Variants in CDH17 observed in about 807,000 individuals in gnomAD.
CDH17 encodes cadherin-17.
CDH17 carries 67 observed loss-of-function variants against 86.3 expected under a neutral mutation model. The observed-to-expected ratio is 0.78, with a 90% CI of 0.64 to 0.95. The LOEUF is 0.95. Ranked by LOEUF, CDH17 falls within the 40% of genes least tolerant of loss-of-function variation. The probability of loss-of-function intolerance (pLI) is 0.00; values close to 1 mark genes in which losing one functional copy is unlikely to be tolerated. For missense variants in CDH17, 993 were observed against 1,017.6 expected (o/e 0.98, Z 0.33); for synonymous variants, 367 against 366.4 (o/e 1.00, Z -0.02).
rs564870934 is a variant in CDH17, at chr8:94,174,917, T to C, written c.425-657A>G. On this transcript the variant is annotated intron_variant, in intron 5 of 17. Coordinates refer to ENST00000027335, the MANE Select transcript of CDH17 (RefSeq NM_004063.4). ...CATTAAAACATGTTGATTAGTGTTATTTTTAATGAATTAATAATTTTTTAA... is the reference window on the plus strand; with the variant it reads ...CATTAAAACATGTTGATTAGTGTTACTTTTAATGAATTAATAATTTTTTAA... 1.5e-4 allele frequency among the ~76,000 whole-genome samples: 23 copies of C among 152,326 alleles called. No individual in the cohort carries two copies. The South Asian group carries it at 4.4e-3, about 29-fold the overall frequency.
chr8:94,142,332 T>TA (rs1812654505), intron 15 of CDH17, among the ~76,000 whole-genome samples: 2 of 152,136 alleles, frequency 1.3e-5, no homozygotes, highest in South Asian at 4.1e-4. Context: ...TACCTAAAAA[T>TA]AAAAAACCCC....
chr8:94,197,869 G>A (rs973036027), intron 1 of CDH17, among the ~76,000 whole-genome samples: 2 of 151,258 alleles, frequency 1.3e-5, no homozygotes, highest in African/African-American at 4.9e-5. Context: ...AAAAGTTTGT[G>A]CTCCTATGAT....
At chr8:94,139,348 T>C (rs1444882919) in intron 15 of CDH17, among the ~76,000 whole-genome samples, 1 of 152,082 alleles carries the variant, frequency 6.6e-6, no homozygotes, top group Non-Finnish European at 1.5e-5. Context: ...GCCTAATACA[T>C]GTGTAATCGA....
intron 3 of CDH17, among the ~76,000 whole-genome samples, chr8:94,181,070 T>C (rs1415649022): frequency 6.6e-6 from 1 of 151,948 alleles, no homozygotes; most frequent in Non-Finnish European, 1.5e-5. Context: ...AAAACAGACT[T>C]TAAAACAAAA....
chr8:94,197,846 A>G (rs1284271750), intron 1 of CDH17, among the ~76,000 whole-genome samples: 3 of 150,662 alleles, frequency 2.0e-5, no homozygotes, highest in Admixed American at 6.7e-5. Flanking sequence ...AAAAAAAAAA[A>G]AAGAAAAAAA....
chr8:94,189,627 C>T (rs1813647664), intron 2 of CDH17, among the ~76,000 whole-genome samples: 1 of 152,230 alleles, frequency 6.6e-6, no homozygotes, highest in Non-Finnish European at 1.5e-5. Flanking sequence ...CATGGTCTTC[C>T]ACAATCCCAC....
At chr8:94,154,551 C>G (rs928424046) in intron 12 of CDH17, among the ~76,000 whole-genome samples, 2 of 152,050 alleles carry the variant, frequency 1.3e-5, no homozygotes, top group African/African-American at 4.8e-5. Flanking sequence ...CCAGATGGAA[C>G]CAGGAATGAA....
chr8:94,205,980 A>G (rs17727794), intron 1 of CDH17, among the ~76,000 whole-genome samples: 63,851 of 152,012 alleles, frequency 0.42, 14,595 homozygotes, highest in Middle Eastern at 0.54. Context: ...CATTCTCCTC[A>G]TCCGTCACTT....
chr8:94,185,427 A>C (rs2623170), intron 3 of CDH17, among the ~76,000 whole-genome samples: 116,829 of 152,064 alleles, frequency 0.77, 46,032 homozygotes, highest in African/African-American at 0.91. Flanking sequence ...AAAAAAGAAA[A>C]GTGGAGCAGC....
intron 3 of CDH17, among the ~76,000 whole-genome samples, chr8:94,183,404 T>C (rs1019200299): frequency 6.6e-6 from 1 of 152,086 alleles, no homozygotes; most frequent in African/African-American, 2.4e-5. Flanking sequence ...AATGGAATCA[T>C]AGTGGGAGGC....
chr8:94,192,552 C>T (rs920285025), intron 2 of CDH17, among the ~76,000 whole-genome samples: 2 of 152,170 alleles, frequency 1.3e-5, no homozygotes, highest in Non-Finnish European at 2.9e-5. Context: ...AGACCCAGCG[C>T]CATTGGACCA....
chr8:94,215,186 C>A (rs566944301), intron 1 of CDH17, among the ~76,000 whole-genome samples: 1 of 152,262 alleles, frequency 6.6e-6, no homozygotes, highest in African/African-American at 2.4e-5. Context: ...AACTTGTACA[C>A]AAATATTCAT....
At chr8:94,197,469 A>T (rs764596349) in intron 1 of CDH17, 1 of 152,356 alleles carries the variant, frequency 6.6e-6, no homozygotes, top group Non-Finnish European at 1.5e-5. Context: ...GTGGCTATGG[A>T]TATACTACTT....
intron 9 of CDH17, among the ~76,000 whole-genome samples, chr8:94,170,175 G>T (rs1346313177): frequency 6.6e-6 from 1 of 152,154 alleles, no homozygotes; most frequent in African/African-American, 2.4e-5. Flanking sequence ...GATAATGGTA[G>T]TAGCGGTAAT....
intron 10 of CDH17, among the ~76,000 whole-genome samples, chr8:94,163,703 C>A (rs1813102052): frequency 6.6e-6 from 1 of 152,252 alleles, no homozygotes; most frequent in Admixed American, 6.5e-5. Context: ...GGTAGTTTAA[C>A]TCTAGAGCTG....
At chr8:94,203,247 A>C (rs1453750011) in intron 1 of CDH17, among the ~76,000 whole-genome samples, 1 of 152,222 alleles carries the variant, frequency 6.6e-6, no homozygotes, top group Non-Finnish European at 1.5e-5. Flanking sequence ...TTATTTTTTA[A>C]AAAGCATGAA....
chr8:94,143,235 T>C (rs890958322), intron 15 of CDH17, among the ~76,000 whole-genome samples: 2 of 152,218 alleles, frequency 1.3e-5, no homozygotes, highest in African/African-American at 4.8e-5. Flanking sequence ...ACCAGAGCTC[T>C]TGAGTAACCA....
chr8:94,139,118 A>G (rs930107479), intron 15 of CDH17, among the ~76,000 whole-genome samples: 2 of 152,204 alleles, frequency 1.3e-5, no homozygotes, highest in African/African-American at 2.4e-5. Context: ...TCAAGAAGCT[A>G]CAAGACTGAG....
chr8:94,176,621 T>A lies in CDH17; in HGVS notation c.344A>T (p.Lys115Ile), dbSNP rs1311283531. 6.2e-7 allele frequency: 1 copy of A among 1,613,646 alleles called. No individual in the cohort carries two copies. The highest frequency in any genetic ancestry group is 1.7e-5 in the Admixed American group (1 of 59,972). Reference protein sequence around the residue: ...IVEGPVPITIKVKDINDNRPT... With the variant: ...IVEGPVPITIIVKDINDNRPT... ...TCGATTGTCGTTGATGTCCTTCACT[T>A]TTATGGTGATAGGGACTGGACCCTC... The change falls in exon 5 of 18, where the codon AAA (lysine) becomes ATA (isoleucine). Residue 115 changes from lysine to isoleucine, a missense_variant. Coordinates refer to ENST00000027335, the MANE Select transcript of CDH17 (RefSeq NM_004063.4).
Sources: allele counts gnomAD v4.1 joint callset (sites outside exome capture counted in the v4.1 genomes callset), GRCh38; gene constraint gnomAD v4.1.1; transcripts MANE v1.5; gene names NCBI Gene and HGNC (gene_info 2026-07-23, HGNC 2026-07-21).